Variants in UHRF2 observed in about 807,000 individuals in gnomAD.
UHRF2 encodes the protein E3 ubiquitin-protein ligase UHRF2.
In UHRF2, 23 loss-of-function variants were observed where a neutral mutation model predicts 96.8. The ratio of observed to expected loss-of-function variants is 0.24; its 90% CI spans 0.17 to 0.34. The LOEUF is 0.34. Ranked by LOEUF, UHRF2 falls within the 10% of genes least tolerant of loss-of-function variation. The pLI is 1.00. For missense variants in UHRF2, 685 were observed against 981.5 expected, an observed-to-expected ratio of 0.70 and a Z score of 4.04; for synonymous variants, 385 against 332.6, an observed-to-expected ratio of 1.16 and a Z score of -1.72.
At chr9:6,425,959 G>T (rs550630940) in intron 2 of UHRF2, among the ~76,000 whole-genome samples, 2 of 152,040 alleles carry the variant, frequency 1.3e-5, no homozygotes, top group Non-Finnish European at 2.9e-5. Context: ...TTTCATCTTT[G>T]GCCAGAGTTT....
At chr9:6,446,350 C>G (rs994687748) in intron 3 of UHRF2, among the ~76,000 whole-genome samples, 1 of 151,862 alleles carries the variant, frequency 6.6e-6, no homozygotes, top group African/African-American at 2.4e-5. Flanking sequence ...AGCATGTTGG[C>G]CAGGCTGGTC....
intron 9 of UHRF2, among the ~76,000 whole-genome samples, chr9:6,490,711 C>T (rs1824607539): frequency 6.6e-6 from 1 of 152,130 alleles, no homozygotes; most frequent in Non-Finnish European, 1.5e-5. Context: ...ACTGGTCAAA[C>T]GTTAAAACAT....
chr9:6,436,759 A>G (rs1820871885), intron 3 of UHRF2, among the ~76,000 whole-genome samples: 1 of 152,212 alleles, frequency 6.6e-6, no homozygotes, highest in Non-Finnish European at 1.5e-5. Context: ...CTTAGCATAT[A>G]TTTGGCAACT....
intron 1 of UHRF2, among the ~76,000 whole-genome samples, chr9:6,420,700 C>T (rs559795504): frequency 4.7e-5 from 7 of 148,320 alleles, no homozygotes; most frequent in Admixed American, 1.3e-4. Context: ...GAGTGAGACA[C>T]CGTCTCAAAA....
chr9:6,490,807 C>A (rs1031270899), intron 9 of UHRF2, among the ~76,000 whole-genome samples: 1 of 152,098 alleles, frequency 6.6e-6, no homozygotes, highest in African/African-American at 2.4e-5. Flanking sequence ...ACTAAGATGA[C>A]ATATAGGCCT....
At chr9:6,469,219 T>A (rs114246187) in intron 4 of UHRF2, among the ~76,000 whole-genome samples, 95 of 152,254 alleles carry the variant, frequency 6.2e-4, no homozygotes, top group African/African-American at 2.2e-3. Flanking sequence ...CTTGTTAAAT[T>A]GATTTAATAA....
At chr9:6,502,121 T>G (rs778035000) in intron 14 of UHRF2, among the ~76,000 whole-genome samples, 4 of 152,214 alleles carry the variant, frequency 2.6e-5, no homozygotes, top group Admixed American at 6.5e-5. Flanking sequence ...AAAACAGGTG[T>G]TAGCCAACAG....
At chr9:6,466,543 A>T (rs1822868711) in intron 4 of UHRF2, among the ~76,000 whole-genome samples, 2 of 65,762 alleles carry the variant, frequency 3.0e-5, no homozygotes, top group Non-Finnish European at 5.5e-5. Context: ...CTATCTCAAA[A>T]AAAAAAGGAA....
rs1816568004 is a variant in UHRF2 at position 6,506,105 on chromosome 9, T to A, written c.2335T>A (p.Tyr779Asn). 3.7e-6 allele frequency: 6 copies of A among 1,614,088 alleles called. 1 individual carries two copies. The Admixed American group carries it at 8.3e-5, about 22-fold the overall frequency. ...PACRHDLGQN[Y>N]IMIPNEILQT... ...TTGCCGGCATGATCTTGGCCAGAAT[T>A]ACATCATGATTCCCAATGAGATTCT... is the stretch of plus-strand genomic sequence containing the variant. The change falls in exon 16 of 16, where the codon TAC (tyrosine) becomes AAC (asparagine). Residue 779 changes from tyrosine (Y) to asparagine (N), a missense_variant. Transcript: ENST00000276893.
Position 6,481,797 on chromosome 9 carries a change from T to C in UHRF2, c.1284+31T>C, listed in dbSNP as rs373756256. On this transcript the variant is annotated intron_variant, in intron 7 of 15. Transcript: ENST00000276893. ...GAAGAAATTCCCCTTTTCTTCCTAA[T>C]AGCAAGTTATAATATATAATGTTTT... 9.7e-4 allele frequency: 1,555 copies of C among 1,598,226 alleles called. 33 individuals carry two copies. In the South Asian group the frequency reaches 0.017, roughly 17 times the overall value.
intron 3 of UHRF2, chr9:6,434,459 G>T: frequency 3.9e-6 from 1 of 253,544 alleles, no homozygotes; most frequent in South Asian, 6.9e-5. Context: ...CTTTTTTTGA[G>T]ATGGTCTCTC....
At chr9:6,478,098 C>T (rs953890586) in intron 6 of UHRF2, among the ~76,000 whole-genome samples, 18 of 152,136 alleles carry the variant, frequency 1.2e-4, no homozygotes, top group African/African-American at 4.3e-4. Context: ...GTTTATGTTG[C>T]CTTACAGGAG....
intron 10 of UHRF2, chr9:6,496,269 T>A (rs1824959818): frequency 6.6e-6 from 1 of 152,180 alleles, no homozygotes; most frequent in African/African-American, 2.4e-5. Flanking sequence ...TTTTAAACCT[T>A]AAGTGTTCTC....
chr9:6,452,074 G>GT (rs1252151048), intron 3 of UHRF2, among the ~76,000 whole-genome samples: 1 of 151,576 alleles, frequency 6.6e-6, no homozygotes, highest in African/African-American at 2.4e-5. Flanking sequence ...TACACATACC[G>GT]TTTGCACCTT....
At chr9:6,457,485 G>C (rs1254547633) in intron 3 of UHRF2, among the ~76,000 whole-genome samples, 1 of 152,034 alleles carries the variant, frequency 6.6e-6, no homozygotes, top group Non-Finnish European at 1.5e-5. Context: ...TTTCCTAATT[G>C]AATACCCTTT....
chr9:6,439,683 G>A (rs966771462), intron 3 of UHRF2, among the ~76,000 whole-genome samples: 3 of 152,102 alleles, frequency 2.0e-5, no homozygotes, highest in African/African-American at 4.8e-5. Flanking sequence ...GGAGAACTTT[G>A]ACAGCAGAAT....
At chr9:6,459,684 A>G (rs1418695773) in intron 3 of UHRF2, among the ~76,000 whole-genome samples, 1 of 152,140 alleles carries the variant, frequency 6.6e-6, no homozygotes, top group Admixed American at 6.6e-5. Flanking sequence ...ACAAAACAAA[A>G]AACTTGAGGC....
rs2130721764 is a variant in UHRF2 at position 6,421,071 on chromosome 9, G to T, written c.313G>T (p.Val105Leu). 1 of 1,614,138 alleles carries T rather than the reference G, an allele frequency of 6.2e-7. No homozygotes were observed. ...ACCTAAAGTAAAGAAAGCTCCGAGG[G>T]TAGGACCTTCCAATCAGCCATCTAC... The part of the protein sequence containing the change: ...SPPKVKKAPR[V>L]GPSNQPSTSA... Residue 105 changes from valine to leucine, a missense_variant, in exon 2 of 16, where the codon GTA (valine) becomes TTA (leucine). Physicochemically the swap from Val to Leu is conservative, Grantham distance 32. Around this residue, in one of 6 missense-constraint regions of UHRF2, gnomAD observed 391 missense variants for 437.0 expected, o/e 0.89. Transcript: ENST00000276893.
chr9:6,459,780 G>A (rs950543003), intron 3 of UHRF2, among the ~76,000 whole-genome samples: 3 of 152,168 alleles, frequency 2.0e-5, no homozygotes, highest in Non-Finnish European at 4.4e-5. Context: ...CTAAACCAGC[G>A]TCATGAACAT....
Sources: gnomAD v4.1 joint callset for allele counts (sites outside exome capture counted in the v4.1 genomes callset) on GRCh38, gnomAD v4.1.1 for gene constraint, gnomAD v4.1.1 regional missense constraint, MANE v1.5 for transcripts, NCBI Gene and HGNC (gene_info 2026-07-23, HGNC 2026-07-21) for gene names.